The following KPNA3 variants were observed in gnomAD, a reference collection of about 807,000 sequenced individuals.
The protein encoded by KPNA3 is importin subunit alpha-4.
In KPNA3, 13 loss-of-function variants were observed where a neutral mutation model predicts 73.8. The observed-to-expected ratio is 0.18, with a 90% CI of 0.11 to 0.28. KPNA3 has a LOEUF of 0.28. KPNA3 is among the 10% of genes least tolerant of loss of function. The pLI is 1.00. For missense variants in KPNA3, 360 were observed against 618.1 expected (o/e 0.58, Z 4.43); for synonymous variants, 186 against 206.9 (o/e 0.90, Z 0.87).
intron 1 of KPNA3, among the ~76,000 whole-genome samples, chr13:49,784,530 A>C (rs989271427): frequency 6.6e-6 from 1 of 152,250 alleles, no homozygotes; most frequent in Non-Finnish European, 1.5e-5. Context: ...GTATTCATCT[A>C]TAGATGAATG....
chr13:49,733,086 C>T (rs781522165), intron 2 of KPNA3, 40 bp from the exon 3 acceptor site: 1 of 1,247,928 alleles, frequency 8.0e-7, no homozygotes, highest in South Asian at 1.3e-5. Flanking sequence ...GTCATAAGGA[C>T]TACTGTTAAT....
intron 7 of KPNA3, 86 bp downstream of exon 7, chr13:49,725,329 TA>T: frequency 1.7e-6 from 1 of 605,110 alleles, no homozygotes; most frequent in South Asian, 3.0e-5. Context: ...TAAAAAATGT[TA>T]CAAGATAAAA....
intron 1 of KPNA3, among the ~76,000 whole-genome samples, chr13:49,758,474 A>G (rs1954730373): frequency 6.6e-6 from 1 of 152,126 alleles, no homozygotes; most frequent in Non-Finnish European, 1.5e-5. Flanking sequence ...CGGTAACCCT[A>G]TTACTGGGTG....
intron 6 of KPNA3, among the ~76,000 whole-genome samples, chr13:49,730,111 G>A (rs1360794439): frequency 6.6e-6 from 1 of 152,146 alleles, no homozygotes; most frequent in Non-Finnish European, 1.5e-5. Flanking sequence ...TATTCATTAA[G>A]CTGTATATAT....
chr13:49,720,514 T>C (rs1045434632), intron 9 of KPNA3, among the ~76,000 whole-genome samples: 1 of 152,080 alleles, frequency 6.6e-6, no homozygotes, highest in Non-Finnish European at 1.5e-5. Flanking sequence ...CCCACCACTT[T>C]GGGAGGGTGA....
chr13:49,711,124 A>C, intron 10 of KPNA3, 102 bp from the exon 11 acceptor site: 53 of 1,124,044 alleles, frequency 4.7e-5, no homozygotes, highest in Non-Finnish European at 6.0e-5. Context: ...ACCAAATTTC[A>C]AGTTTTAGCT....
chr13:49,731,254 T>G (rs889462075), intron 6 of KPNA3, among the ~76,000 whole-genome samples: 1 of 144,896 alleles, frequency 6.9e-6, no homozygotes, highest in African/African-American at 2.6e-5. Context: ...TTCGTGTTTT[T>G]TTTTTTTTTT....
At chr13:49,719,322 A>T (rs1048652812) in intron 10 of KPNA3, among the ~76,000 whole-genome samples, 1 of 152,140 alleles carries the variant, frequency 6.6e-6, no homozygotes, top group African/African-American at 2.4e-5. Context: ...GAAGACTTTA[A>T]TTTGAATATT....
chr13:49,719,929 A>C, intron 9 of KPNA3, 110 bp from the exon 10 acceptor site: 1 of 695,150 alleles, frequency 1.4e-6, no homozygotes, highest in Non-Finnish European at 2.4e-6. Context: ...CGAGAAAGAC[A>C]ATGTTAAATT....
intron 15 of KPNA3, among the ~76,000 whole-genome samples, chr13:49,705,337 C>A (rs1373663600): frequency 7.0e-6 from 1 of 143,084 alleles, no homozygotes; most frequent in East Asian, 2.0e-4. Flanking sequence ...CCAGCCTGGG[C>A]GACAGAGCAA....
intron 1 of KPNA3, among the ~76,000 whole-genome samples, chr13:49,761,399 T>C (rs532122699): frequency 6.6e-6 from 1 of 152,342 alleles, no homozygotes; most frequent in South Asian, 2.1e-4. Context: ...CCGCCACGCC[T>C]GACTGGTTTT....
At chr13:49,758,335 A>G (rs760683946) in intron 1 of KPNA3, among the ~76,000 whole-genome samples, 1 of 152,196 alleles carries the variant, frequency 6.6e-6, no homozygotes, top group Non-Finnish European at 1.5e-5. Flanking sequence ...AAATAAAGAA[A>G]TGAACCTAAA....
Position 49,702,496 on chromosome 13 carries a change from T to C in KPNA3, c.1373-16A>G, listed in dbSNP as rs1270709364. 7.6e-7 allele frequency: 1 copy of C among 1,314,228 alleles called. No individual in the cohort carries two copies. Among genetic ancestry groups the C allele is most frequent in the Non-Finnish European group, 1.1e-6 (1 of 921,924 alleles). 81.4% of individuals were successfully genotyped at this position (1,314,228 alleles called of 1,614,324 possible). ...TTCTCCAAACCTGGTAAAAATAAAA[T>C]AATCAAAATAACTGGTTAATTGATA... is the stretch of plus-strand genomic sequence containing the variant. On this transcript the variant is annotated splice_polypyrimidine_tract_variant and intron_variant, in intron 15 of 16. Coordinates refer to ENST00000261667, the MANE Select transcript of KPNA3 (RefSeq NM_002267.4).
intron 1 of KPNA3, among the ~76,000 whole-genome samples, chr13:49,750,537 A>C (rs1954653179): frequency 6.6e-6 from 1 of 152,004 alleles, no homozygotes; most frequent in African/African-American, 2.4e-5. Context: ...GGGAGCTGAG[A>C]TGGAGGATTG....
At position 49,779,857 on chromosome 13, in the gene KPNA3, T is replaced by C. The variant is rs528399853; in HGVS notation, c.69+12581A>G. On this transcript the variant is annotated intron_variant, in intron 1 of 16. Coordinates refer to ENST00000261667, the MANE Select transcript of KPNA3 (RefSeq NM_002267.4). ...ACTGGCCCCCAAAGAGCAAATACAA[T>C]GAATGGCTTATTGTAAGGTCTCATC... is the stretch of plus-strand genomic sequence containing the variant. Among the ~76,000 whole-genome samples, 5 of 152,236 alleles carry C rather than the reference T, an allele frequency of 3.3e-5. No individual in the cohort carries two copies. In the East Asian group the frequency reaches 7.7e-4, roughly 24 times the overall value.
At chr13:49,720,646 C>T (rs563985161) in intron 9 of KPNA3, among the ~76,000 whole-genome samples, 1 of 150,110 alleles carries the variant, frequency 6.7e-6, no homozygotes, top group Admixed American at 6.7e-5. Context: ...ACATGAGAAT[C>T]GCTTGAACCC....
At chr13:49,770,892 A>G (rs954549731) in intron 1 of KPNA3, among the ~76,000 whole-genome samples, 14 of 151,810 alleles carry the variant, frequency 9.2e-5, no homozygotes, top group African/African-American at 3.4e-4. Flanking sequence ...GGTAAATGTG[A>G]AAGTTTCTTT....
intron 6 of KPNA3, among the ~76,000 whole-genome samples, chr13:49,730,768 C>T (rs560854135): frequency 1.0e-5 from 1 of 98,194 alleles, no homozygotes; most frequent in Non-Finnish European, 1.9e-5. Context: ...ATCCCTCCCC[C>T]CTCCCCCCTA....
At chr13:49,778,647 T>C (rs971846392) in intron 1 of KPNA3, among the ~76,000 whole-genome samples, 2 of 152,192 alleles carry the variant, frequency 1.3e-5, no homozygotes, top group Admixed American at 6.5e-5. Flanking sequence ...TTTTGTTTTT[T>C]TGTTGTTGTT....
Sources: gnomAD v4.1 joint callset for allele counts (sites outside exome capture counted in the v4.1 genomes callset) on GRCh38, gnomAD v4.1.1 for gene constraint, MANE v1.5 for transcripts, NCBI Gene and HGNC (gene_info 2026-07-23, HGNC 2026-07-21) for gene names.